The following RANBP2 variants were observed in gnomAD, a reference collection of about 807,000 sequenced individuals.
RANBP2 encodes the protein RAN binding protein 2, also known as E3 SUMO-protein ligase RanBP2.
Under a neutral mutation model 303.6 loss-of-function variants are expected in RANBP2, and 57 were observed. The ratio of observed to expected loss-of-function variants is 0.19; its 90% CI spans 0.15 to 0.23. The LOEUF (loss-of-function observed/expected upper bound fraction) is 0.23. Ranked by LOEUF, RANBP2 falls within the 10% of genes least tolerant of loss-of-function variation. The pLI is 1.00. For missense variants in RANBP2, 3,138 were observed against 3,780.8 expected, an observed-to-expected ratio of 0.83 and a Z score of 4.46; for synonymous variants, 1,167 against 1,301.5, an observed-to-expected ratio of 0.90 and a Z score of 2.23.
intron 1 of RANBP2, among the ~76,000 whole-genome samples, chr2:108,728,864 A>T (rs1694948050): frequency 6.6e-6 from 1 of 152,114 alleles, no homozygotes; most frequent in Non-Finnish European, 1.5e-5. Flanking sequence ...GGCTGGTCTC[A>T]AACTCCTGAC....
At chr2:109,521,000 C>T in the RANBP2 span, among the ~76,000 whole-genome samples, 8,848 of 150,232 alleles carry the variant, frequency 0.059, 902 homozygotes, top group African/African-American at 0.21. Context: ...TAGGCCGAGG[C>T]GGGCAGATCA....
At chr2:109,417,313 C>T in the RANBP2 span, among the ~76,000 whole-genome samples, 53 of 152,180 alleles carry the variant, frequency 3.5e-4, no homozygotes, top group African/African-American at 1.3e-3. Flanking sequence ...GACTCATGAT[C>T]CAGACCGGCT....
chr2:109,556,206 A>AT, the RANBP2 span, among the ~76,000 whole-genome samples: 1 of 152,202 alleles, frequency 6.6e-6, no homozygotes, highest in African/African-American at 2.4e-5. Flanking sequence ...TGGAGGTATA[A>AT]TAAGCCTTCT....
the RANBP2 span, among the ~76,000 whole-genome samples, chr2:109,362,814 A>T: frequency 6.6e-6 from 1 of 152,152 alleles, no homozygotes; most frequent in Non-Finnish European, 1.5e-5. Context: ...CTTCGTCATT[A>T]TGTAATGCCC....
the RANBP2 span, among the ~76,000 whole-genome samples, chr2:109,499,353 G>A: frequency 6.6e-6 from 1 of 152,222 alleles, no homozygotes; most frequent in African/African-American, 2.4e-5. Flanking sequence ...GGGGTTTTTA[G>A]GCAGAGAGAA....
chr2:109,695,157 C>T, the RANBP2 span, among the ~76,000 whole-genome samples: 3 of 151,216 alleles, frequency 2.0e-5, no homozygotes, highest in Admixed American at 6.6e-5. Flanking sequence ...TATAACCTCT[C>T]TTTCTTTGCA....
At chr2:109,471,277 G>A in the RANBP2 span, among the ~76,000 whole-genome samples, 1 of 146,080 alleles carries the variant, frequency 6.8e-6, no homozygotes, top group Non-Finnish European at 1.5e-5. Flanking sequence ...AAAGAGGTTT[G>A]ATTGACTCTC....
At chr2:109,598,222 C>G in the RANBP2 span, among the ~76,000 whole-genome samples, 1 of 151,970 alleles carries the variant, frequency 6.6e-6, no homozygotes, top group Non-Finnish European at 1.5e-5. Flanking sequence ...CATGCACCAC[C>G]ACACCTGGCT....
chr2:109,166,098 G>A, the RANBP2 span, among the ~76,000 whole-genome samples: 1,934 of 152,290 alleles, frequency 0.013, 21 homozygotes, highest in Middle Eastern at 0.034. Context: ...ACTGGTGGGG[G>A]CAGAGCTTAG....
chr2:108,886,762 C>T, the RANBP2 span, among the ~76,000 whole-genome samples: 1 of 152,036 alleles, frequency 6.6e-6, no homozygotes, highest in Non-Finnish European at 1.5e-5. Context: ...AACTGTGGAG[C>T]TGTTTGAGTT....
the RANBP2 span, among the ~76,000 whole-genome samples, chr2:109,363,139 C>T: frequency 4.0e-5 from 6 of 151,350 alleles, no homozygotes; most frequent in African/African-American, 1.5e-4. Context: ...GTTATTTTTC[C>T]TGTCTTTCAC....
the RANBP2 span, among the ~76,000 whole-genome samples, chr2:108,848,000 C>G: frequency 6.6e-6 from 1 of 151,950 alleles, no homozygotes; most frequent in South Asian, 2.1e-4. Flanking sequence ...AAAAAAAATA[C>G]ACACACGCTT....
the RANBP2 span, among the ~76,000 whole-genome samples, chr2:109,030,125 T>C: frequency 6.6e-6 from 1 of 152,208 alleles, no homozygotes; most frequent in Non-Finnish European, 1.5e-5. Context: ...GTTCTGCCTA[T>C]GCAAAGAACA....
the RANBP2 span, among the ~76,000 whole-genome samples, chr2:109,212,786 C>T: frequency 6.6e-6 from 1 of 151,850 alleles, no homozygotes; most frequent in East Asian, 1.9e-4. Context: ...CCCTCTGCCC[C>T]TGGTATTTCC....
the RANBP2 span, among the ~76,000 whole-genome samples, chr2:109,300,916 T>C: frequency 3.3e-5 from 5 of 152,208 alleles, no homozygotes; most frequent in African/African-American, 1.2e-4. Context: ...GGGCCATGGT[T>C]AGAAGGTGAG....
At chr2:109,381,612 A>C in the RANBP2 span, among the ~76,000 whole-genome samples, 1 of 151,888 alleles carries the variant, frequency 6.6e-6, no homozygotes, top group Non-Finnish European at 1.5e-5. Context: ...CTGCTTGAGT[A>C]AGTTAGGCTG....
chr2:108,720,154 C>T (rs1437450633), intron 1 of RANBP2: 1 of 983,984 alleles, frequency 1.0e-6, no homozygotes, highest in Non-Finnish European at 1.2e-6. Context: ...TGAGCTTTGG[C>T]GGCTGCGTCG....
chr2:109,436,833 C>T, the RANBP2 span: 2 of 1,569,558 alleles, frequency 1.3e-6, 1 homozygote, highest in South Asian at 2.4e-5. Flanking sequence ...TGCCAGAGGC[C>T]CACATGGCAC....
the RANBP2 span, among the ~76,000 whole-genome samples, chr2:109,506,137 A>G: frequency 6.6e-6 from 1 of 152,136 alleles, no homozygotes; most frequent in South Asian, 2.1e-4. Context: ...GTAGTCTACC[A>G]CTTGGCCTGT....
Sources: gnomAD v4.1 joint callset for allele counts (sites outside exome capture counted in the v4.1 genomes callset) on GRCh38, gnomAD v4.1.1 for gene constraint, MANE v1.5 for transcripts, NCBI Gene and HGNC (gene_info 2026-07-23, HGNC 2026-07-21) for gene names.